The following SNX30 variants were observed in gnomAD, a reference collection of about 807,000 sequenced individuals.
SNX30 encodes the protein sorting nexin-30.
In SNX30, 24 loss-of-function variants were observed where a neutral mutation model predicts 46.4. That is an observed-to-expected ratio of 0.52 (90% confidence interval 0.37 to 0.73). The LOEUF is 0.73. SNX30 is among the 30% of genes least tolerant of loss of function. The pLI, the probability that SNX30 is intolerant of heterozygous loss-of-function variation, is 0.00. For missense variants in SNX30, 533 were observed against 555.7 expected (o/e 0.96, Z 0.41); for synonymous variants, 189 against 211.5 (o/e 0.89, Z 0.92).
chr9:112,765,648 T>C (rs1020914791), intron 1 of SNX30, among the ~76,000 whole-genome samples: 2 of 152,172 alleles, frequency 1.3e-5, no homozygotes, highest in African/African-American at 4.8e-5. Flanking sequence ...TTTCCAGCTT[T>C]ATTGAAGTAT....
rs953909313 is a variant in SNX30 at position 112,750,979 on chromosome 9, G to A, written c.-23G>A. Reference sequence around the variant, plus strand: ...CGGGCAGCAGGAGGAAGCGGCGGCGGCGCGTCCCGAGCGGTGCGCGCCATG... The same window carrying A: ...CGGGCAGCAGGAGGAAGCGGCGGCGACGCGTCCCGAGCGGTGCGCGCCATG... On this transcript the variant is annotated 5_prime_UTR_variant, in exon 1 of 9. Coordinates refer to ENST00000374232, the MANE Select transcript of SNX30 (RefSeq NM_001012994.2). The A allele has an allele frequency of 2.3e-5, 28 of 1,224,124 alleles. No homozygotes were observed. In the Admixed American group the frequency reaches 9.6e-4, roughly 42 times the overall value. 75.8% of individuals were successfully genotyped at this position (1,224,124 alleles called of 1,614,324 possible). A position where few individuals can be genotyped will look rare whatever the true frequency, so the allele number is the denominator to read the frequency against.
chr9:112,751,079 C>T lies in SNX30; in HGVS notation c.78C>T (p.Gly26=), dbSNP rs758470092. 3 of 1,509,162 alleles carry T rather than the reference C, an allele frequency of 2.0e-6. No individual in the cohort carries two copies. The highest frequency in any genetic ancestry group is 1.8e-6 in the Non-Finnish European group (2 of 1,135,688). 93.5% of individuals were successfully genotyped at this position (1,509,162 alleles called of 1,614,324 possible). A position where few individuals can be genotyped will look rare whatever the true frequency, so the allele number is the denominator to read the frequency against. The change falls in exon 1 of 9, where the codon GGC becomes GGT. Residue 26 remains glycine, a synonymous_variant. Coordinates refer to ENST00000374232, the MANE Select transcript of SNX30 (RefSeq NM_001012994.2). The part of the protein sequence containing the change: ...SLRDMPHPLA[G]SSSEEAVGGD... The stretch of plus-strand genomic sequence containing the variant: ...GCGACATGCCGCACCCGCTGGCCGG[C>T]TCCAGCAGCGAGGAGGCCGTGGGTG...
chr9:112,845,682 G>T (rs112037127), intron 6 of SNX30, among the ~76,000 whole-genome samples: 2 of 152,144 alleles, frequency 1.3e-5, no homozygotes, highest in African/African-American at 4.8e-5. Flanking sequence ...ATCTGGACGG[G>T]CCAAGAGAAG....
intron 7 of SNX30, chr9:112,856,947 G>C (rs1286826182): frequency 6.6e-6 from 1 of 152,570 alleles, no homozygotes; most frequent in Non-Finnish European, 1.5e-5. Context: ...GGGGGCCCGG[G>C]GTCAGGGGAA....
intron 3 of SNX30, among the ~76,000 whole-genome samples, chr9:112,828,532 C>T (rs1240216433): frequency 6.6e-6 from 1 of 151,958 alleles, no homozygotes; most frequent in African/African-American, 2.4e-5. Flanking sequence ...TAAACAAGCT[C>T]AACGAACAGT....
chr9:112,866,912 TGC>T (rs1312975538), intron 8 of SNX30, among the ~76,000 whole-genome samples: 21 of 118,404 alleles, frequency 1.8e-4, no homozygotes, highest in South Asian at 9.9e-4. Context: ...GAATTCCTCC[TGC>T]CTCCTCAGAA....
At chr9:112,877,994 A>AG (rs1841536210), downstream of SNX30, 1 of 152,298 alleles carries the variant, frequency 6.6e-6, no homozygotes, top group Non-Finnish European at 1.5e-5. Context: ...CTGGGATTAT[A>AG]GGCCTGAGCC....
chr9:112,865,327 A>G (rs1382903616), intron 8 of SNX30, among the ~76,000 whole-genome samples: 12 of 152,022 alleles, frequency 7.9e-5, no homozygotes, highest in Admixed American at 7.2e-4. Flanking sequence ...TCGTATGTCC[A>G]GCAAACCAGT....
chr9:112,762,579 A>G (rs1588106945), intron 1 of SNX30, among the ~76,000 whole-genome samples: 1 of 151,404 alleles, frequency 6.6e-6, no homozygotes, highest in Non-Finnish European at 1.5e-5. Context: ...TGTTTCCCCT[A>G]TCTAAAATTG....
At chr9:112,826,408 G>A (rs916541625) in intron 3 of SNX30, among the ~76,000 whole-genome samples, 1 of 152,182 alleles carries the variant, frequency 6.6e-6, no homozygotes, top group Non-Finnish European at 1.5e-5. Flanking sequence ...AATGAGCCAG[G>A]AAGGACAAGG....
At chr9:112,875,431 T>TA (rs1211217577), downstream of SNX30, 1 of 152,238 alleles carries the variant, frequency 6.6e-6, no homozygotes, top group Non-Finnish European at 1.5e-5. Context: ...CAACTTGACT[T>TA]ACTTTAAGAC....
chr9:112,796,296 G>A (rs1306950527), intron 1 of SNX30, among the ~76,000 whole-genome samples: 1 of 152,260 alleles, frequency 6.6e-6, no homozygotes, highest in East Asian at 1.9e-4. Flanking sequence ...GGGCCCCTGT[G>A]ATGCCTAGCA....
rs145746191 is a variant in SNX30 at position 112,859,403 on chromosome 9, T to C, written c.1102-4844T>C. Among the ~76,000 whole-genome samples the C allele has an allele frequency of 3.3e-3, 504 of 152,370 alleles. 1 individual carries two copies. Among genetic ancestry groups the C allele is most frequent in the Non-Finnish European group, 5.4e-3 (368 of 68,038 alleles). ...TTCATCTTTGGGCTACTGTGAATAATGCTGCTATAAACATGTGTATACAAG... is the reference window on the plus strand; with the variant it reads ...TTCATCTTTGGGCTACTGTGAATAACGCTGCTATAAACATGTGTATACAAG... On this transcript the variant is annotated intron_variant, in intron 7 of 8. Coordinates refer to ENST00000374232, the MANE Select transcript of SNX30 (RefSeq NM_001012994.2).
At position 112,750,835 on chromosome 9, in the gene SNX30, A is replaced by T; in HGVS notation, c.-167A>T. On this transcript the variant is annotated 5_prime_UTR_variant, in exon 1 of 9. Transcript: ENST00000374232. ...CGCGCGGCGCGGAGCGGAGCGTCTG[A>T]GCGCCGGCAGAGACCAGCCGGCGGG... 9.3e-6 allele frequency: 4 copies of T among 428,938 alleles called. No homozygotes were observed. The highest frequency in any genetic ancestry group is 1.3e-5 in the Non-Finnish European group (4 of 319,078). The allele number at this position is 428,938 out of a possible 1,614,324, so 26.6% of individuals were successfully genotyped here.
At position 112,873,049 on chromosome 9, in the gene SNX30, A is replaced by G. The variant is rs1841471288; in HGVS notation, c.*4206A>G. 1 of 152,212 alleles carries G rather than the reference A, an allele frequency of 6.6e-6. No homozygotes were observed. 9.4% of individuals were successfully genotyped at this position (152,212 alleles called of 1,614,324 possible). On this transcript the variant is annotated 3_prime_UTR_variant, in exon 9 of 9. Coordinates refer to ENST00000374232, the MANE Select transcript of SNX30 (RefSeq NM_001012994.2). ...GATGCCTGGTCTCACAGTTACATGTATCAGAGTGTGTGTAAGTTGTCTGTG... is the reference window on the plus strand; with the variant it reads ...GATGCCTGGTCTCACAGTTACATGTGTCAGAGTGTGTGTAAGTTGTCTGTG...
rs908065037 is a variant in SNX30, at chr9:112,766,464, G to A, written c.156+15307G>A. On this transcript the variant is annotated intron_variant, in intron 1 of 8. Coordinates refer to ENST00000374232, the MANE Select transcript of SNX30 (RefSeq NM_001012994.2). Reference sequence around the variant, plus strand: ...AGATATGAATGTACAATACGATGGCGTTAAGTACCCTGGCTTGTTTTTAAT... The same window carrying A: ...AGATATGAATGTACAATACGATGGCATTAAGTACCCTGGCTTGTTTTTAAT... Among the ~76,000 whole-genome samples the A allele has an allele frequency of 9.2e-5, 14 of 152,228 alleles. No homozygotes were observed. The East Asian group carries it at 9.7e-4, about 10-fold the overall frequency.
intron 1 of SNX30, among the ~76,000 whole-genome samples, chr9:112,781,536 T>C (rs1216194670): frequency 6.6e-6 from 1 of 152,228 alleles, no homozygotes. Context: ...AATCAGAAAT[T>C]GGCAGACTAA....
intron 1 of SNX30, among the ~76,000 whole-genome samples, chr9:112,781,939 G>A (rs1238981973): frequency 4.6e-5 from 7 of 151,956 alleles, no homozygotes; most frequent in South Asian, 2.1e-4. Flanking sequence ...ACTGCGCCCC[G>A]CCCACCATTA....
intron 1 of SNX30, among the ~76,000 whole-genome samples, chr9:112,778,697 G>A (rs567280446): frequency 3.0e-4 from 46 of 152,342 alleles, no homozygotes; most frequent in African/African-American, 1.1e-3. Flanking sequence ...TAAGACCAGA[G>A]ATATAGTTAG....
Sources: gnomAD v4.1 joint callset for allele counts (sites outside exome capture counted in the v4.1 genomes callset) on GRCh38, gnomAD v4.1.1 for gene constraint, MANE v1.5 for transcripts, NCBI Gene and HGNC (gene_info 2026-07-23, HGNC 2026-07-21) for gene names.